SV2C: variants seen among roughly 807,000 people sequenced by gnomAD.
SV2C encodes the protein solute carrier family 22 member B3.
SV2C carries 49 observed loss-of-function variants against 79.7 expected under a neutral mutation model. The ratio of observed to expected loss-of-function variants is 0.61; its 90% CI spans 0.49 to 0.78. SV2C has a LOEUF of 0.78. SV2C is among the 30% of genes least tolerant of loss of function. SV2C has a pLI of 0.00. For synonymous variants in SV2C, 334 were observed against 333.2 expected (o/e 1.00, Z -0.03); for missense variants, 833 against 912.9 (o/e 0.91, Z 1.13).
chr5:75,953,148 A>C, the SV2C span, among the ~76,000 whole-genome samples: 13 of 152,018 alleles, frequency 8.6e-5, no homozygotes, highest in African/African-American at 3.1e-4. Flanking sequence ...TACAGACAGC[A>C]TATGGTGAGA....
At chr5:76,199,594 C>T (rs1370953650) in intron 3 of SV2C, among the ~76,000 whole-genome samples, 2 of 152,208 alleles carry the variant, frequency 1.3e-5, no homozygotes, top group East Asian at 3.8e-4. Flanking sequence ...TTCCAAAGGG[C>T]TGGGACTGTC....
intron 1 of SV2C, among the ~76,000 whole-genome samples, chr5:76,105,612 C>T (rs1030532436): frequency 6.6e-6 from 1 of 152,110 alleles, no homozygotes; most frequent in African/African-American, 2.4e-5. Flanking sequence ...GCAGTTGCTA[C>T]CTTTGTGATA....
chr5:75,946,010 A>G, the SV2C span, among the ~76,000 whole-genome samples: 1 of 139,278 alleles, frequency 7.2e-6, no homozygotes, highest in Non-Finnish European at 1.5e-5. Context: ...AAGCTTCCAC[A>G]TACATAAGTT....
At chr5:76,127,394 A>G (rs934576404) in intron 1 of SV2C, among the ~76,000 whole-genome samples, 4 of 152,236 alleles carry the variant, frequency 2.6e-5, no homozygotes, top group African/African-American at 9.6e-5. Context: ...TATATTTTAC[A>G]TATTTGTGCA....
intron 6 of SV2C, among the ~76,000 whole-genome samples, chr5:76,287,798 T>A (rs974278795): frequency 6.6e-6 from 1 of 152,132 alleles, no homozygotes; most frequent in African/African-American, 2.4e-5. Flanking sequence ...ATAATTAGAC[T>A]AAAAATGGCC....
At chr5:75,952,850 G>T in the SV2C span, among the ~76,000 whole-genome samples, 8 of 151,856 alleles carry the variant, frequency 5.3e-5, no homozygotes, top group Non-Finnish European at 1.0e-4. Flanking sequence ...AATACATGTG[G>T]TTTCAAGCAT....
intron 4 of SV2C, among the ~76,000 whole-genome samples, chr5:76,271,505 G>A (rs1447291534): frequency 2.6e-5 from 4 of 151,844 alleles, no homozygotes; most frequent in Non-Finnish European, 4.4e-5. Flanking sequence ...CCCAATACCT[G>A]TAGGGTACAC....
At chr5:76,301,597 C>G in intron 12 of SV2C, 52 bp downstream of exon 12, 1 of 1,564,350 alleles carries the variant, frequency 6.4e-7, no homozygotes, top group South Asian at 1.2e-5. Flanking sequence ...TGTGAGACCA[C>G]TGAAAAATTA....
intron 3 of SV2C, among the ~76,000 whole-genome samples, chr5:76,198,464 C>A (rs1298107564): frequency 6.6e-6 from 1 of 152,142 alleles, no homozygotes; most frequent in Non-Finnish European, 1.5e-5. Context: ...TGGAAGCATC[C>A]TGAGGCCATC....
chr5:76,304,710 C>A (rs927145049), intron 12 of SV2C, among the ~76,000 whole-genome samples: 1 of 152,172 alleles, frequency 6.6e-6, no homozygotes, highest in Non-Finnish European at 1.5e-5. Context: ...ACTGTGTCCT[C>A]ACATGGTGGA....
the SV2C span, among the ~76,000 whole-genome samples, chr5:75,851,757 C>T: frequency 6.6e-6 from 1 of 152,210 alleles, no homozygotes; most frequent in Non-Finnish European, 1.5e-5. Context: ...TCTGCTGCCT[C>T]CGCTGCCTCA....
chr5:76,101,640 C>T (rs1747745735), intron 1 of SV2C, among the ~76,000 whole-genome samples: 1 of 152,150 alleles, frequency 6.6e-6, no homozygotes, highest in African/African-American at 2.4e-5. Flanking sequence ...CAGTTGATGT[C>T]AGGGACAGTG....
intron 2 of SV2C, among the ~76,000 whole-genome samples, chr5:76,167,331 G>A (rs1026603543): frequency 1.3e-5 from 2 of 152,108 alleles, no homozygotes; most frequent in Middle Eastern, 3.2e-3. Flanking sequence ...AGTTTCACAC[G>A]TCCCTTTTAG....
chr5:76,315,245 T>C (rs1376700243), intron 12 of SV2C, among the ~76,000 whole-genome samples: 1 of 151,990 alleles, frequency 6.6e-6, no homozygotes, highest in Admixed American at 6.6e-5. Context: ...GTAAGACAGA[T>C]TTTTATCTTT....
the SV2C span, among the ~76,000 whole-genome samples, chr5:75,949,878 C>T: frequency 1.3e-5 from 2 of 151,990 alleles, no homozygotes; most frequent in African/African-American, 4.8e-5. Context: ...AAAGAGGTGA[C>T]ACAATTTTAT....
At chr5:76,295,634 A>G (rs1203436363) in intron 8 of SV2C, 144 bp from the exon 9 acceptor site, 3 of 688,376 alleles carry the variant, frequency 4.4e-6, no homozygotes, top group Non-Finnish European at 6.9e-6. Context: ...GGACACATGG[A>G]TTGCTGTATG....
chr5:76,016,810 A>G, the SV2C span, among the ~76,000 whole-genome samples: 5 of 152,222 alleles, frequency 3.3e-5, no homozygotes, highest in Non-Finnish European at 5.9e-5. Context: ...TTGTCCTTTC[A>G]TAATTGCCAT....
chr5:76,265,057 C>T (rs1451974202), intron 4 of SV2C, among the ~76,000 whole-genome samples: 1 of 152,192 alleles, frequency 6.6e-6, no homozygotes, highest in Non-Finnish European at 1.5e-5. Flanking sequence ...CCCAAAGCTG[C>T]CCTTTCCCCC....
At chr5:76,035,367 C>G in the SV2C span, among the ~76,000 whole-genome samples, 4,217 of 152,042 alleles carry the variant, frequency 0.028, 102 homozygotes, top group Non-Finnish European at 0.045. Flanking sequence ...GATCTTTCCT[C>G]CTTTCTCTTG....
Sources: allele counts gnomAD v4.1 joint callset (sites outside exome capture counted in the v4.1 genomes callset), GRCh38; gene constraint gnomAD v4.1.1; transcripts MANE v1.5; gene names NCBI Gene and HGNC (gene_info 2026-07-23, HGNC 2026-07-21).